Variants in HSD17B2 observed in about 807,000 individuals in gnomAD.
HSD17B2 encodes 17-beta-hydroxysteroid dehydrogenase type 2.
HSD17B2 carries 32 observed loss-of-function variants against 26.9 expected under a neutral mutation model. The observed-to-expected ratio is 1.19, with a 90% CI of 0.90 to 1.60. The LOEUF (loss-of-function observed/expected upper bound fraction) is 1.60, where lower values mean the gene tolerates loss of function less well. Ranked by LOEUF, HSD17B2 falls within the 40% of genes most tolerant of loss-of-function variation. HSD17B2 has a pLI of 0.00. For missense variants in HSD17B2, 613 were observed against 468.6 expected (o/e 1.31, Z -2.85); for synonymous variants, 246 against 186.7 (o/e 1.32, Z -2.59).
intron 4 of HSD17B2, 30 bp downstream of exon 4, chr16:82,091,069 G>A (rs1186268539): frequency 6.2e-6 from 10 of 1,612,332 alleles, no homozygotes; most frequent in African/African-American, 1.3e-5. Context: ...AACCTGTGAT[G>A]TTCATCCTGG....
intron 3 of HSD17B2, among the ~76,000 whole-genome samples, chr16:82,084,801 T>A (rs908264759): frequency 6.6e-6 from 1 of 152,196 alleles, no homozygotes; most frequent in Non-Finnish European, 1.5e-5. Flanking sequence ...GGCACGATAG[T>A]AGCTCTCTAT....
Position 82,035,253 on chromosome 16 carries a change from A to T in HSD17B2, c.-172A>T, listed in dbSNP as rs916124032. The T allele has an allele frequency of 1.6e-6, 1 of 611,720 alleles. No homozygotes were observed. The highest frequency in any genetic ancestry group is 1.8e-5 in the African/African-American group (1 of 54,264). The allele number at this position is 611,720 out of a possible 1,614,324, so 37.9% of individuals were successfully genotyped here. A position where few individuals can be genotyped will look rare whatever the true frequency, so the allele number is the denominator to read the frequency against. ...GTTGAAGTGCACACTGGTTTAAATT[A>T]CCCACTGGGAATATGATTATGCTTA... On this transcript the variant is annotated 5_prime_UTR_variant, in exon 1 of 5. Coordinates refer to ENST00000199936, the MANE Select transcript of HSD17B2 (RefSeq NM_002153.3).
At chr16:82,075,720 G>C (rs1444654431) in intron 3 of HSD17B2, among the ~76,000 whole-genome samples, 3 of 152,050 alleles carry the variant, frequency 2.0e-5, no homozygotes, top group African/African-American at 7.2e-5. Context: ...CGAAGCAGTA[G>C]TAAAAAGTCT....
Position 82,098,115 on chromosome 16 carries a change from G to A in HSD17B2, c.843G>A (p.Lys281=), listed in dbSNP as rs907799406. The change falls in exon 5 of 5, where the codon AAG becomes AAA. Residue 281 remains lysine (K), a synonymous_variant. Transcript: ENST00000199936. ...GTSDKWEKLE[K]DILDHLPAEV... ...GTGACAAGTGGGAAAAGCTGGAGAAGGACATTCTGGACCACCTCCCCGCTG... is the reference window on the plus strand; with the variant it reads ...GTGACAAGTGGGAAAAGCTGGAGAAAGACATTCTGGACCACCTCCCCGCTG... 7 of 1,613,802 alleles carry A rather than the reference G, an allele frequency of 4.3e-6. No homozygotes were observed. The African/African-American group carries it at 5.3e-5, about 12-fold the overall frequency.
intron 3 of HSD17B2, among the ~76,000 whole-genome samples, chr16:82,081,732 C>T (rs1904386046): frequency 1.3e-5 from 2 of 152,192 alleles, no homozygotes; most frequent in South Asian, 2.1e-4. Flanking sequence ...TTAATGGACA[C>T]TGCCCCGCAC....
intron 1 of HSD17B2, among the ~76,000 whole-genome samples, chr16:82,055,109 GGAACTGAAAATCACT>G (rs1914225982): frequency 6.6e-6 from 1 of 152,194 alleles, no homozygotes; most frequent in Non-Finnish European, 1.5e-5. Flanking sequence ...TCCCTGGGGG[GGAACTGAAAATCACT>G]GACTTAAAGG....
At chr16:82,097,314 ATGT>A (rs1327422745) in intron 4 of HSD17B2, 6 of 150,186 alleles carry the variant, frequency 4.0e-5, no homozygotes, top group African/African-American at 7.4e-5. Flanking sequence ...ACACATATAT[ATGT>A]GTGTGTATAT....
chr16:82,096,485 A>C (rs1904842344), intron 4 of HSD17B2: 1 of 152,024 alleles, frequency 6.6e-6, no homozygotes, highest in African/African-American at 2.4e-5. Flanking sequence ...GGGCCTCCCA[A>C]AGTGCTGGGA....
At chr16:82,068,077 G>A (rs933088713) in intron 1 of HSD17B2, 93 bp from the exon 2 acceptor site, 49 of 1,122,040 alleles carry the variant, frequency 4.4e-5, no homozygotes, top group Middle Eastern at 2.4e-4. Context: ...AGAGCATGGA[G>A]AATCGTAAAC....
At chr16:82,059,886 G>T (rs1914384124) in intron 1 of HSD17B2, among the ~76,000 whole-genome samples, 1 of 152,022 alleles carries the variant, frequency 6.6e-6, no homozygotes, top group African/African-American at 2.4e-5. Context: ...CTTCATAAAG[G>T]TTATGTTCCA....
intron 1 of HSD17B2, among the ~76,000 whole-genome samples, chr16:82,045,621 C>T (rs1003709712): frequency 2.0e-5 from 3 of 152,218 alleles, no homozygotes; most frequent in African/African-American, 7.2e-5. Flanking sequence ...ATTAATGTGC[C>T]TCATCAGCCT....
chr16:82,098,034 G>A, intron 4 of HSD17B2, 41 bp from the exon 5 acceptor site: 1 of 1,571,160 alleles, frequency 6.4e-7, no homozygotes, highest in African/African-American at 1.4e-5. Flanking sequence ...GACTTCCTTG[G>A]CCTTCCCAGG....
intron 1 of HSD17B2, among the ~76,000 whole-genome samples, chr16:82,043,369 C>G (rs1318947873): frequency 1.3e-5 from 2 of 152,142 alleles, no homozygotes; most frequent in African/African-American, 4.8e-5. Flanking sequence ...ACAGATCATT[C>G]AGCCACTTTA....
chr16:82,090,975 G>C lies in HSD17B2; in HGVS notation c.738G>C (p.Met246Ile). 1 of 1,614,046 alleles carries C rather than the reference G, an allele frequency of 6.2e-7. No individual in the cohort carries two copies. Among genetic ancestry groups the C allele is most frequent in the Non-Finnish European group, 8.5e-7 (1 of 1,179,938 alleles). Residue 246 changes from methionine (M) to isoleucine (I), a missense_variant, in exon 4 of 5, where the codon ATG becomes ATC. By Grantham distance (10) the Met-to-Ile change is conservative. Transcript: ENST00000199936. Reference sequence around the variant, plus strand: ...CTGTGACCATGTTCTCATCAGTTATGAGACTGGAGCTTTCCAAGTGGGGAA... The same window carrying C: ...CTGTGACCATGTTCTCATCAGTTATCAGACTGGAGCTTTCCAAGTGGGGAA... ...KAAVTMFSSV[M>I]RLELSKWGIK...
At chr16:82,061,015 C>A (rs1201982529) in intron 1 of HSD17B2, among the ~76,000 whole-genome samples, 1 of 152,124 alleles carries the variant, frequency 6.6e-6, no homozygotes, top group Non-Finnish European at 1.5e-5. Context: ...AATCCCAGCA[C>A]TTTGGAAGAC....
intron 3 of HSD17B2, among the ~76,000 whole-genome samples, chr16:82,078,789 T>C (rs1191682299): frequency 6.6e-6 from 1 of 152,206 alleles, no homozygotes; most frequent in Non-Finnish European, 1.5e-5. Flanking sequence ...AAACTTCACA[T>C]GTTCTCACTT....
chr16:82,085,511 C>A (rs1248015581), intron 3 of HSD17B2, among the ~76,000 whole-genome samples: 1 of 152,048 alleles, frequency 6.6e-6, no homozygotes, highest in Non-Finnish European at 1.5e-5. Context: ...TGTTTTACTC[C>A]AAGTACTATG....
chr16:82,088,434 C>G lies in HSD17B2; in HGVS notation c.665-2468C>G, dbSNP rs1440731835. Reference sequence around the variant, plus strand: ...TAATTTACAGATAAAAAGGCAGAGACCAAATATAAAGTGACTATCCTGCTA... The same window carrying G: ...TAATTTACAGATAAAAAGGCAGAGAGCAAATATAAAGTGACTATCCTGCTA... On this transcript the variant is annotated intron_variant, in intron 3 of 4. Transcript: ENST00000199936. Among the ~76,000 whole-genome samples the G allele has an allele frequency of 2.6e-5, 4 of 152,124 alleles. No homozygotes were observed. The East Asian group carries it at 7.7e-4, about 29-fold the overall frequency.
chr16:82,039,835 GA>G (rs1312167407), intron 1 of HSD17B2, among the ~76,000 whole-genome samples: 19 of 152,148 alleles, frequency 1.2e-4, no homozygotes, highest in Non-Finnish European at 2.5e-4. Flanking sequence ...CACTGGGGAA[GA>G]CACGGCCACA....
Sources: gnomAD v4.1 joint callset for allele counts (sites outside exome capture counted in the v4.1 genomes callset) on GRCh38, gnomAD v4.1.1 for gene constraint, MANE v1.5 for transcripts, NCBI Gene and HGNC (gene_info 2026-07-23, HGNC 2026-07-21) for gene names.